Variants in ANO10 observed in about 807,000 individuals in gnomAD.
ANO10 encodes the protein anoctamin 10.
In ANO10, 77 loss-of-function variants were observed where a neutral mutation model predicts 74.7. The ratio of observed to expected loss-of-function variants is 1.03; its 90% CI spans 0.86 to 1.25. The LOEUF (loss-of-function observed/expected upper bound fraction) is 1.25, where lower values mean the gene tolerates loss of function less well. ANO10 is among the 50% of genes most tolerant of loss of function. The pLI, the probability that ANO10 is intolerant of heterozygous loss-of-function variation, is 0.00. For missense variants in ANO10, 721 were observed against 778.1 expected, an observed-to-expected ratio of 0.93 and a Z score of 0.87; for synonymous variants, 279 against 284.9, an observed-to-expected ratio of 0.98 and a Z score of 0.21.
intron 11 of ANO10, among the ~76,000 whole-genome samples, chr3:43,542,266 C>T (rs2078990506): frequency 6.6e-6 from 1 of 152,030 alleles, no homozygotes; most frequent in Non-Finnish European, 1.5e-5. Flanking sequence ...ATTCAGAAGT[C>T]AGAATCAGCA....
chr3:43,630,309 T>G (rs2083533341), intron 1 of ANO10, among the ~76,000 whole-genome samples: 1 of 152,200 alleles, frequency 6.6e-6, no homozygotes, highest in South Asian at 2.1e-4. Context: ...ATAAAGATAT[T>G]GAAACTGGAT....
intron 1 of ANO10, among the ~76,000 whole-genome samples, chr3:43,632,793 G>A (rs1397662778): frequency 1.3e-5 from 2 of 152,156 alleles, no homozygotes; most frequent in Non-Finnish European, 2.9e-5. Flanking sequence ...TTCACGATTT[G>A]ATTTTTCATG....
chr3:43,678,971 T>C (rs1338935289), intron 1 of ANO10, among the ~76,000 whole-genome samples: 3 of 152,224 alleles, frequency 2.0e-5, no homozygotes, highest in Non-Finnish European at 4.4e-5. Flanking sequence ...GGAGCCAAGA[T>C]GGCTGAATAG....
intron 11 of ANO10, among the ~76,000 whole-genome samples, chr3:43,434,973 T>A (rs1317246914): frequency 6.6e-6 from 1 of 152,220 alleles, no homozygotes; most frequent in Non-Finnish European, 1.5e-5. Context: ...TGGTTTTCTT[T>A]AGATGGTGGC....
At chr3:43,565,599 G>A in intron 8 of ANO10, 54 bp downstream of exon 8, 3 of 1,375,132 alleles carry the variant, frequency 2.2e-6, no homozygotes, top group Non-Finnish European at 3.0e-6. Flanking sequence ...TCTAAAGATA[G>A]AAAACCACCT....
intron 11 of ANO10, among the ~76,000 whole-genome samples, chr3:43,495,950 C>T (rs1346232178): frequency 1.3e-5 from 2 of 152,094 alleles, no homozygotes; most frequent in African/African-American, 2.4e-5. Context: ...ATCTGACCAC[C>T]TTGGCCTCCC....
At position 43,597,579 on chromosome 3, in the gene ANO10, A is replaced by C. The variant is rs561851070; in HGVS notation, c.472+953T>G. Among the ~76,000 whole-genome samples, 11 of 152,090 alleles carry C rather than the reference A, an allele frequency of 7.2e-5. 1 individual carries two copies. In the South Asian group the frequency reaches 2.3e-3, roughly 32 times the overall value. ...GTGAACAATGAGAACACATGGACACAGGAAGAGGAACATCACACACCGGGG... is the reference window on the plus strand; with the variant it reads ...GTGAACAATGAGAACACATGGACACCGGAAGAGGAACATCACACACCGGGG... On this transcript the variant is annotated intron_variant, in intron 4 of 12. Coordinates refer to ENST00000292246, the MANE Select transcript of ANO10 (RefSeq NM_018075.5).
chr3:43,552,613 G>A (rs2079519114), intron 10 of ANO10, among the ~76,000 whole-genome samples: 1 of 150,508 alleles, frequency 6.6e-6, no homozygotes, highest in African/African-American at 2.4e-5. Context: ...CTTAGGATAG[G>A]TGTACTGGCA....
chr3:43,508,943 TAAA>T (rs35265220), intron 11 of ANO10, among the ~76,000 whole-genome samples: 1 of 104,716 alleles, frequency 9.5e-6, no homozygotes, highest in African/African-American at 3.5e-5. Context: ...TAAAGTATAA[TAAA>T]AAAAAAAAAA....
At position 43,380,030 on chromosome 3, in the gene ANO10, G is replaced by A. The variant is rs954014391; in HGVS notation, c.1915-13056C>T. Among the ~76,000 whole-genome samples the A allele has an allele frequency of 3.7e-4, 56 of 152,310 alleles. 1 individual carries two copies. Among genetic ancestry groups the A allele is most frequent in the Non-Finnish European group, 1.0e-4 (7 of 68,018 alleles). ...CTTCTGGAAATTAAGGATGCACTTA[G>A]AGAACTGCAAAATGCACTGGAAGTC... On this transcript the variant is annotated intron_variant, in intron 12 of 12. Coordinates refer to ENST00000292246, the MANE Select transcript of ANO10 (RefSeq NM_018075.5).
chr3:43,656,748 C>T (rs2083859122), intron 1 of ANO10, among the ~76,000 whole-genome samples: 1 of 152,252 alleles, frequency 6.6e-6, no homozygotes, highest in African/African-American at 2.4e-5. Context: ...CCACGCCCAC[C>T]TGGAACTCCA....
intron 4 of ANO10, among the ~76,000 whole-genome samples, chr3:43,583,570 T>C (rs571762346): frequency 6.6e-6 from 1 of 152,368 alleles, no homozygotes; most frequent in South Asian, 2.1e-4. Context: ...TTATGTGATG[T>C]GTTTACTTCA....
At chr3:43,371,036 T>C in intron 12 of ANO10, among the ~76,000 whole-genome samples, 1 of 152,144 alleles carries the variant, frequency 6.6e-6, no homozygotes, top group Non-Finnish European at 1.5e-5. Flanking sequence ...AGAGACTCCT[T>C]CTGGCTGAGC....
intron 8 of ANO10, among the ~76,000 whole-genome samples, chr3:43,561,850 G>T (rs2080051969): frequency 6.6e-6 from 1 of 152,092 alleles, no homozygotes; most frequent in African/African-American, 2.4e-5. Flanking sequence ...TTTAAAAAAA[G>T]AATCATTACA....
intron 4 of ANO10, among the ~76,000 whole-genome samples, chr3:43,592,411 C>T (rs922947565): frequency 6.6e-6 from 1 of 152,160 alleles, no homozygotes; most frequent in Non-Finnish European, 1.5e-5. Context: ...TCCAGAGGAA[C>T]GATCAGGCTG....
At chr3:43,633,092 T>C (rs2083566151) in intron 1 of ANO10, among the ~76,000 whole-genome samples, 1 of 152,236 alleles carries the variant, frequency 6.6e-6, no homozygotes, top group Non-Finnish European at 1.5e-5. Flanking sequence ...TTTGATGTTT[T>C]CTATTTTGAA....
intron 1 of ANO10, among the ~76,000 whole-genome samples, chr3:43,607,390 T>C (rs1447095287): frequency 6.7e-6 from 1 of 149,070 alleles, no homozygotes; most frequent in Non-Finnish European, 1.5e-5. Flanking sequence ...TGGGAAATAA[T>C]GGAGTCCAGA....
intron 11 of ANO10, among the ~76,000 whole-genome samples, chr3:43,513,132 C>G (rs1204766566): frequency 6.6e-6 from 1 of 152,180 alleles, no homozygotes; most frequent in Non-Finnish European, 1.5e-5. Context: ...AGGAAACTAT[C>G]TGAGGTCCGG....
intron 4 of ANO10, among the ~76,000 whole-genome samples, chr3:43,587,141 T>C (rs1043625851): frequency 2.0e-5 from 3 of 152,146 alleles, no homozygotes; most frequent in African/African-American, 4.8e-5. Flanking sequence ...TCAAGACATA[T>C]GCAGATAACT....
Sources: allele counts gnomAD v4.1 joint callset (sites outside exome capture counted in the v4.1 genomes callset), GRCh38; gene constraint gnomAD v4.1.1; transcripts MANE v1.5; gene names NCBI Gene and HGNC (gene_info 2026-07-23, HGNC 2026-07-21).